The following SPEN variants were observed in gnomAD, a reference collection of about 807,000 sequenced individuals.
SPEN encodes the protein spen family transcriptional repressor.
Under a neutral mutation model 269.9 loss-of-function variants are expected in SPEN, and 18 were observed. That is an observed-to-expected ratio of 0.07 (90% CI 0.05 to 0.10). The LOEUF is 0.10. SPEN is among the 10% of genes least tolerant of loss of function. The pLI is 1.00. For synonymous variants in SPEN, 1,726 were observed against 1,765.7 expected, an observed-to-expected ratio of 0.98 and a Z score of 0.56; for missense variants, 3,822 against 4,631.2, an observed-to-expected ratio of 0.83 and a Z score of 5.07.
chr1:15,901,009 A>C (rs1351807654), intron 3 of SPEN, among the ~76,000 whole-genome samples: 1 of 152,080 alleles, frequency 6.6e-6, no homozygotes, highest in Non-Finnish European at 1.5e-5. Context: ...GTGTCTTGGC[A>C]GGTCACTCAG....
chr1:15,932,303 A>C lies in SPEN; in HGVS notation c.6063A>C (p.Ile2021=). The C allele has an allele frequency of 3.1e-6, 5 of 1,607,360 alleles. No individual in the cohort carries two copies. The highest frequency in any genetic ancestry group is 4.2e-6 in the Non-Finnish European group (5 of 1,177,560). Residue 2021 remains isoleucine (I), a synonymous_variant, in exon 11 of 15, where the codon ATA becomes ATC. Coordinates refer to ENST00000375759, the MANE Select transcript of SPEN (RefSeq NM_015001.3). This position sits in a 1 kb window ranked among gnomAD's most constrained non-coding sequence, Gnocchi z 4.2. ...CCACCACTGAGGTGGGCCCCCAAAT[A>C]GGCGTGAAAGAGAGCTCCATGGAAC... ...PEATTEVGPQ[I]GVKESSMEPK... is the part of the protein sequence containing the mutation.
Position 15,936,143 on chromosome 1 carries a change from G to A in SPEN, c.9903G>A (p.Glu3301=), listed in dbSNP as rs1276231418. Residue 3301 remains glutamate (E), a synonymous_variant, in exon 11 of 15, where the codon GAG becomes GAA. Coordinates refer to ENST00000375759, the MANE Select transcript of SPEN (RefSeq NM_015001.3). ...TGCAGATTGTGCACTCCAGCGGGGAGCTGTTTCAAGAGTACCGGTACGGCG... is the reference window on the plus strand; with the variant it reads ...TGCAGATTGTGCACTCCAGCGGGGAACTGTTTCAAGAGTACCGGTACGGCG... ...HGVQIVHSSG[E]LFQEYRYGDI... 8 of 1,611,402 alleles carry A rather than the reference G, an allele frequency of 5.0e-6. No homozygotes were observed. Among genetic ancestry groups the A allele is most frequent in the Admixed American group, 1.7e-5 (1 of 59,878 alleles).
intron 3 of SPEN, among the ~76,000 whole-genome samples, chr1:15,901,303 G>A (rs2070896794): frequency 6.7e-6 from 1 of 150,046 alleles, no homozygotes; most frequent in Non-Finnish European, 1.5e-5. Flanking sequence ...CGAAAGAGTA[G>A]AGACTCTGTC....
intron 1 of SPEN, among the ~76,000 whole-genome samples, chr1:15,864,247 C>G (rs2070475714): frequency 6.6e-6 from 1 of 151,788 alleles, no homozygotes; most frequent in South Asian, 2.1e-4. Context: ...TGGCTCACTG[C>G]AACCTCCTCT....
In SPEN at chr1:15,933,952, C is replaced by T. The variant is rs756427361; in HGVS notation, c.7712C>T (p.Ala2571Val). 1.7e-5 allele frequency: 28 copies of T among 1,613,870 alleles called. 1 individual carries two copies. In the Middle Eastern group the frequency reaches 4.0e-3, roughly 228 times the overall value. Reference sequence around the variant, plus strand: ...AGTGCTGCCCCTTGCCTACATGAGGCCCCGCCCCCGCCAGTTGACTCTAAA... The same window carrying T: ...AGTGCTGCCCCTTGCCTACATGAGGTCCCGCCCCCGCCAGTTGACTCTAAA... ...PVSAAPCLHE[A>V]PPPPVDSKKP... is the part of the protein sequence containing the mutation. Residue 2571 changes from alanine (A) to valine (V), a missense_variant, in exon 11 of 15, where the codon GCC becomes GTC. By Grantham distance (64) the Ala-to-Val change is moderately conservative. This residue lies in a region of SPEN where 727 missense variants were observed against 737.9 expected (regional missense o/e 0.99). Transcript: ENST00000375759. This position sits in a 1 kb window ranked among gnomAD's most constrained non-coding sequence, Gnocchi z 5.7.
intron 3 of SPEN, among the ~76,000 whole-genome samples, chr1:15,894,536 G>GTTTTTTTTTTTTTTTTT (rs766111268): frequency 1.0e-5 from 1 of 100,402 alleles, no homozygotes; most frequent in African/African-American, 4.2e-5. Context: ...TATTATGGTT[G>GTTTTTTTTTTTTTTTTT]TTTTTTTTTT....
chr1:15,903,900 T>A (rs1012224970), intron 3 of SPEN, among the ~76,000 whole-genome samples: 1 of 152,228 alleles, frequency 6.6e-6, no homozygotes, highest in African/African-American at 2.4e-5. Context: ...TATTACTACT[T>A]CTTTAAGACA....
intron 8 of SPEN, among the ~76,000 whole-genome samples, chr1:15,920,212 G>A (rs966944212): frequency 2.0e-5 from 3 of 152,156 alleles, no homozygotes; most frequent in Non-Finnish European, 4.4e-5. Flanking sequence ...TGGGATTACA[G>A]GTGTGTGCCA....
chr1:15,880,644 CAG>C (rs1035648252), intron 3 of SPEN, among the ~76,000 whole-genome samples: 4 of 151,590 alleles, frequency 2.6e-5, no homozygotes, highest in Admixed American at 6.6e-5. Context: ...TTAGTAGAGA[CAG>C]GGGTTTCACT....
chr1:15,871,747 A>C (rs529150777), intron 1 of SPEN, among the ~76,000 whole-genome samples: 3 of 152,338 alleles, frequency 2.0e-5, no homozygotes, highest in African/African-American at 7.2e-5. Context: ...TTTGCCTTTA[A>C]GTAAGGAGTG....
chr1:15,869,005 A>G (rs2070545871), intron 1 of SPEN, among the ~76,000 whole-genome samples: 1 of 152,176 alleles, frequency 6.6e-6, no homozygotes. Flanking sequence ...TAGTCTTAAT[A>G]TCTACTTCAG....
At chr1:15,883,415 C>T (rs993905285) in intron 3 of SPEN, among the ~76,000 whole-genome samples, 4 of 152,062 alleles carry the variant, frequency 2.6e-5, no homozygotes. Context: ...TGCATTAGAA[C>T]GATGTACTTT....
chr1:15,921,753 A>G (rs547863914), intron 9 of SPEN, among the ~76,000 whole-genome samples: 3 of 152,344 alleles, frequency 2.0e-5, no homozygotes, highest in Admixed American at 2.0e-4. Context: ...AGTTTGAAGG[A>G]ATTTATGCAC....
At chr1:15,890,830 T>C (rs937635957) in intron 3 of SPEN, among the ~76,000 whole-genome samples, 5 of 152,200 alleles carry the variant, frequency 3.3e-5, no homozygotes, top group African/African-American at 1.2e-4. Flanking sequence ...CTCTATAGCC[T>C]ATTCTGGCCA....
At chr1:15,895,109 A>G (rs2070828224) in intron 3 of SPEN, among the ~76,000 whole-genome samples, 1 of 151,864 alleles carries the variant, frequency 6.6e-6, no homozygotes, top group Non-Finnish European at 1.5e-5. Context: ...TTTAGTAGAG[A>G]CAGGGTTTCT....
intron 4 of SPEN, among the ~76,000 whole-genome samples, chr1:15,910,700 G>A (rs1357011705): frequency 1.3e-5 from 2 of 150,730 alleles, no homozygotes; most frequent in East Asian, 1.9e-4. Flanking sequence ...GTATATTTAT[G>A]TATATATCTA....
chr1:15,880,453 C>CTTTTTTTTTTTTT (rs371820417), intron 3 of SPEN, among the ~76,000 whole-genome samples: 1 of 110,988 alleles, frequency 9.0e-6, no homozygotes, highest in African/African-American at 3.7e-5. Flanking sequence ...GTAATTATAG[C>CTTTTTTTTTTTTT]TTTTTTTTTT....
chr1:15,848,378 C>T lies in SPEN; in HGVS notation c.83+228C>T, dbSNP rs1391637609. 6.6e-6 allele frequency among the ~76,000 whole-genome samples: 1 copy of T among 151,286 alleles called. No homozygotes were observed. Among genetic ancestry groups the T allele is most frequent in the Non-Finnish European group, 1.5e-5 (1 of 67,714 alleles). ...CCGCCTTCGAAGAGCCCGCGGGGCC[C>T]CGGCGGCCGCGTCCGTGACGAGGGA... On this transcript the variant is annotated intron_variant, in intron 1 of 14. Coordinates refer to ENST00000375759, the MANE Select transcript of SPEN (RefSeq NM_015001.3). This position sits in a 1 kb window ranked among gnomAD's most constrained non-coding sequence, Gnocchi z 5.1.
At chr1:15,865,828 T>C (rs2070500896) in intron 1 of SPEN, among the ~76,000 whole-genome samples, 2 of 152,266 alleles carry the variant, frequency 1.3e-5, no homozygotes, top group East Asian at 1.9e-4. Context: ...GTATTTTTTT[T>C]CTCCATTTGT....
Sources: gnomAD v4.1 joint callset for allele counts (sites outside exome capture counted in the v4.1 genomes callset) on GRCh38, gnomAD v4.1.1 for gene constraint, gnomAD v4.1.1 regional missense constraint, Gnocchi (gnomAD v3.1) non-coding constraint, MANE v1.5 for transcripts, NCBI Gene and HGNC (gene_info 2026-07-23, HGNC 2026-07-21) for gene names.